Variants in HBS1L observed in about 807,000 individuals in gnomAD.
HBS1L encodes HBS1 like translational GTPase.
In HBS1L, 55 loss-of-function variants were observed where a neutral mutation model predicts 88.9. The ratio of observed to expected loss-of-function variants is 0.62; its 90% CI spans 0.50 to 0.77. The LOEUF is 0.77. Among genes scored for constraint, HBS1L ranks in the 30% least tolerant of loss-of-function variants. The probability of loss-of-function intolerance (pLI) is 0.00; values close to 1 mark genes in which losing one functional copy is unlikely to be tolerated. For synonymous variants in HBS1L, 267 were observed against 288.5 expected (o/e 0.93, Z 0.76); for missense variants, 741 against 829.3 (o/e 0.89, Z 1.31).
chr6:135,019,334 A>G (rs527618814), intron 4 of HBS1L, among the ~76,000 whole-genome samples: 15 of 152,096 alleles, frequency 9.9e-5, no homozygotes, highest in South Asian at 6.2e-4. Flanking sequence ...CTTGGAGACA[A>G]GAAAAAGTTC....
intron 4 of HBS1L, among the ~76,000 whole-genome samples, chr6:135,006,124 GAGTTAAGAATC>G (rs1320618388): frequency 4.7e-4 from 72 of 152,258 alleles, no homozygotes; most frequent in Non-Finnish European, 7.5e-4. Flanking sequence ...GCTTCATTAG[GAGTTAAGAATC>G]TATCCAACAG....
At chr6:134,989,431 A>C (rs982006872) in intron 8 of HBS1L, among the ~76,000 whole-genome samples, 3 of 152,078 alleles carry the variant, frequency 2.0e-5, no homozygotes, top group African/African-American at 7.2e-5. Flanking sequence ...TATTCCATCC[A>C]CATCATTAAG....
In HBS1L at chr6:134,967,480, G is replaced by A. The variant is rs1361550115; in HGVS notation, c.1899-1007C>T. ...TCCATTCTGCATAAAGCAATCAAGA[G>A]CCTACAACGTGCCTGAACAGGAATG... On this transcript the variant is annotated intron_variant, in intron 16 of 17. Coordinates refer to ENST00000367837, the MANE Select transcript of HBS1L (RefSeq NM_006620.4). Among the ~76,000 whole-genome samples the A allele has an allele frequency of 2.6e-5, 4 of 152,122 alleles. No individual in the cohort carries two copies. The East Asian group carries it at 7.7e-4, about 29-fold the overall frequency.
At chr6:135,034,090 A>G (rs1776462526) in intron 4 of HBS1L, among the ~76,000 whole-genome samples, 1 of 152,166 alleles carries the variant, frequency 6.6e-6, no homozygotes, top group Non-Finnish European at 1.5e-5. Flanking sequence ...GCACTGATAC[A>G]TTCAATTAAA....
rs1774857021 is a variant in HBS1L, at chr6:134,982,445, T to A, written c.1597+13A>T. 6.6e-7 allele frequency: 1 copy of A among 1,526,668 alleles called. No homozygotes were observed. The highest frequency in any genetic ancestry group is 1.4e-5 in the African/African-American group (1 of 72,950). The allele number at this position is 1,526,668 out of a possible 1,614,324, so 94.6% of individuals were successfully genotyped here. ...TAAGGCTTGTTTAGCAAAAGCATCTTGCAGATAAATACCTTTCACGGTACA... is the reference window on the plus strand; with the variant it reads ...TAAGGCTTGTTTAGCAAAAGCATCTAGCAGATAAATACCTTTCACGGTACA... On this transcript the variant is annotated intron_variant, in intron 13 of 17. Transcript: ENST00000367837.
chr6:135,001,351 T>C (rs922324407), intron 5 of HBS1L, among the ~76,000 whole-genome samples: 13 of 152,216 alleles, frequency 8.5e-5, no homozygotes, highest in Non-Finnish European at 1.9e-4. Flanking sequence ...TTCATTTAGA[T>C]ACCTATGCAT....
chr6:135,049,834 A>G (rs1209660578), intron 2 of HBS1L, among the ~76,000 whole-genome samples: 1 of 152,228 alleles, frequency 6.6e-6, no homozygotes, highest in Non-Finnish European at 1.5e-5. Flanking sequence ...GGCCTCCCAG[A>G]GTGCCGGGAT....
intron 8 of HBS1L, among the ~76,000 whole-genome samples, chr6:134,988,485 G>T (rs1775044169): frequency 6.9e-6 from 1 of 145,612 alleles, no homozygotes; most frequent in Non-Finnish European, 1.5e-5. Context: ...AAAGCAAGAA[G>T]ACATAGCTTT....
intron 2 of HBS1L, among the ~76,000 whole-genome samples, chr6:135,047,075 A>T (rs1353760936): frequency 6.6e-6 from 1 of 152,194 alleles, no homozygotes; most frequent in Non-Finnish European, 1.5e-5. Flanking sequence ...GTGTTTGAAA[A>T]GTAACTCTCA....
At position 135,000,044 on chromosome 6, in the gene HBS1L, T is replaced by TTTTCTTTC. The variant is rs199637304; in HGVS notation, c.540-2396_540-2389dup. Among the ~76,000 whole-genome samples, 44 of 151,810 alleles carry TTTTCTTTC rather than the reference T, an allele frequency of 2.9e-4. 2 individuals carry two copies. Among genetic ancestry groups the TTTTCTTTC allele is most frequent in the Middle Eastern group, 3.4e-3 (1 of 294 alleles). ...TTTCTGGTATCATTTTGTAAGCTTT[T>TTTTCTTTC]TTTCTTTCTTTCTTTCTTTCTGTTT... On this transcript the variant is annotated intron_variant, in intron 5 of 17. Transcript: ENST00000367837.
chr6:135,007,919 C>A (rs1242941816), intron 4 of HBS1L, among the ~76,000 whole-genome samples: 1 of 152,202 alleles, frequency 6.6e-6, no homozygotes, highest in Non-Finnish European at 1.5e-5. Context: ...TGCCCTACCA[C>A]TAATTAGCTG....
At chr6:135,039,535 T>C (rs776711225) in intron 4 of HBS1L, 38 bp downstream of exon 4, 12 of 1,531,322 alleles carry the variant, frequency 7.8e-6, no homozygotes, top group Non-Finnish European at 1.1e-5. Flanking sequence ...AGGCATTAAC[T>C]ATGTAAAACA....
At chr6:135,040,725 C>T (rs1025835748) in intron 3 of HBS1L, among the ~76,000 whole-genome samples, 15 of 152,022 alleles carry the variant, frequency 9.9e-5, no homozygotes, top group Admixed American at 8.5e-4. Flanking sequence ...TTTCTGATGA[C>T]ATTAGTATTA....
rs142376385 is a variant in HBS1L, at chr6:134,964,981, C to T, written c.*298G>A. The T allele has an allele frequency of 4.3e-4, 183 of 425,494 alleles. No individual in the cohort carries two copies. Among genetic ancestry groups the T allele is most frequent in the African/African-American group, 3.4e-3 (161 of 47,900 alleles). The allele number at this position is 425,494 out of a possible 1,614,324, so 26.4% of individuals were successfully genotyped here. A position where few individuals can be genotyped will look rare whatever the true frequency, so the allele number is the denominator to read the frequency against. On this transcript the variant is annotated 3_prime_UTR_variant, in exon 18 of 18. Coordinates refer to ENST00000367837, the MANE Select transcript of HBS1L (RefSeq NM_006620.4). ...AAGTAGAGTTCATTTCATGATGATT[C>T]AGTATCTTCAGATACTATTTTTGAC...
chr6:135,036,905 T>C (rs1185823617), intron 4 of HBS1L: 2 of 1,551,610 alleles, frequency 1.3e-6, no homozygotes, highest in East Asian at 2.4e-5. Flanking sequence ...CTTAGAACTT[T>C]AGTTCGTGAT....
rs370886699 is a variant in HBS1L at position 135,054,638 on chromosome 6, C to T, written c.43+11G>A. On this transcript the variant is annotated intron_variant, in intron 1 of 17. Transcript: ENST00000367837. Reference sequence around the variant, plus strand: ...GGGAAAAGAACGTCCCGGCATGACCCTGCCACCTACCTTCATCGTAGTTAT... The same window carrying T: ...GGGAAAAGAACGTCCCGGCATGACCTTGCCACCTACCTTCATCGTAGTTAT... 22 of 1,614,080 alleles carry T rather than the reference C, an allele frequency of 1.4e-5. No homozygotes were observed. The African/African-American group carries it at 2.7e-4, about 20-fold the overall frequency.
At chr6:135,054,579 T>G (rs2114939237) in intron 1 of HBS1L, 70 bp downstream of exon 1, 3 of 1,560,168 alleles carry the variant, frequency 1.9e-6, no homozygotes, top group Non-Finnish European at 2.6e-6. Flanking sequence ...CAGATTGAAG[T>G]GGATGCCAAC....
chr6:134,968,897 C>T (rs1027526724), intron 16 of HBS1L, among the ~76,000 whole-genome samples: 4 of 152,172 alleles, frequency 2.6e-5, no homozygotes, highest in East Asian at 1.9e-4. Context: ...AATTTGGAAC[C>T]GGTGTCTAGA....
rs985779765 is a variant in HBS1L, at chr6:134,997,470, C to T, written c.726G>A (p.Arg242=). 25 of 1,613,952 alleles carry T rather than the reference C, an allele frequency of 1.5e-5. No individual in the cohort carries two copies. The highest frequency in any genetic ancestry group is 2.2e-5 in the East Asian group (1 of 44,880). Residue 242 remains arginine (R), a synonymous_variant, in exon 6 of 18, where the codon AGG becomes AGA. Transcript: ENST00000367837. The stretch of plus-strand genomic sequence containing the variant: ...GTTCCGCCTTCACATCTATTTGCTG[C>T]CTCAGCTTGCCAGACTTTTTCACCG... ...PAPVKKSGKL[R]QQIDVKAELE... is the part of the protein sequence containing the mutation.
Sources: allele counts gnomAD v4.1 joint callset (sites outside exome capture counted in the v4.1 genomes callset), GRCh38; gene constraint gnomAD v4.1.1; transcripts MANE v1.5; gene names NCBI Gene and HGNC (gene_info 2026-07-23, HGNC 2026-07-21).